The following PSMD12 variants were observed in gnomAD, a reference collection of about 807,000 sequenced individuals.
PSMD12 encodes the protein 26S proteasome non-ATPase regulatory subunit 12.
A neutral mutation model predicts 62.9 loss-of-function variants in PSMD12; 8 were observed. The ratio of observed to expected loss-of-function variants is 0.13; its 90% CI spans 0.07 to 0.23. PSMD12 has a LOEUF of 0.23. Among genes scored for constraint, PSMD12 ranks in the 10% least tolerant of loss-of-function variants. The probability of loss-of-function intolerance (pLI) is 1.00; values close to 1 mark genes in which losing one functional copy is unlikely to be tolerated. For synonymous variants in PSMD12, 173 were observed against 187.4 expected (o/e 0.92, Z 0.63); for missense variants, 424 against 550.2 (o/e 0.77, Z 2.29).
At chr17:67,349,586 AGT>A (rs2041999516) in intron 4 of PSMD12, among the ~76,000 whole-genome samples, 1 of 152,222 alleles carries the variant, frequency 6.6e-6, no homozygotes, top group African/African-American at 2.4e-5. Flanking sequence ...TTATTTGAAA[AGT>A]GTGTTATATG....
In PSMD12 at chr17:67,340,503, T is replaced by G. The variant is rs529982510; in HGVS notation, c.*340A>C. 11 of 174,914 alleles carry G rather than the reference T, an allele frequency of 6.3e-5. 1 individual carries two copies. The East Asian group carries it at 1.4e-3, about 22-fold the overall frequency. The allele number at this position is 174,914 out of a possible 1,614,324, so 10.8% of individuals were successfully genotyped here. Reference sequence around the variant, plus strand: ...ATCAGAGGTAACTGTAGAAAGGAAATATGTATATACTGCTTTTATTATTGG... The same window carrying G: ...ATCAGAGGTAACTGTAGAAAGGAAAGATGTATATACTGCTTTTATTATTGG... On this transcript the variant is annotated 3_prime_UTR_variant, in exon 11 of 11. Coordinates refer to ENST00000356126, the MANE Select transcript of PSMD12 (RefSeq NM_002816.5).
chr17:67,347,279 G>A (rs200659077), intron 6 of PSMD12, 29 bp from the exon 7 acceptor site: 1 of 1,612,028 alleles, frequency 6.2e-7, no homozygotes, highest in East Asian at 2.2e-5. Context: ...AACAAATTGG[G>A]GTTTATGGGT....
chr17:67,353,102 A>T (rs1217731028), intron 3 of PSMD12, among the ~76,000 whole-genome samples: 5 of 152,168 alleles, frequency 3.3e-5, no homozygotes, highest in African/African-American at 1.2e-4. Context: ...GTACATTAAT[A>T]CGCTAACAAT....
intron 3 of PSMD12, among the ~76,000 whole-genome samples, chr17:67,352,278 G>T (rs1226706638): frequency 6.6e-6 from 1 of 151,808 alleles, no homozygotes; most frequent in Non-Finnish European, 1.5e-5. Context: ...AAGTTTTTTT[G>T]TAAAGACAGG....
Position 67,340,738 on chromosome 17 carries a change from T to C in PSMD12, c.*105A>G. ...CTCAAACATATTCACTATTTTAAAA[T>C]TTAAGACAAAGAAGCTTAGAAAAAA... On this transcript the variant is annotated 3_prime_UTR_variant, in exon 11 of 11. Coordinates refer to ENST00000356126, the MANE Select transcript of PSMD12 (RefSeq NM_002816.5). 1.2e-6 allele frequency: 1 copy of C among 867,738 alleles called. No individual in the cohort carries two copies. Among genetic ancestry groups the C allele is most frequent in the South Asian group, 2.2e-5 (1 of 44,754 alleles). The allele number at this position is 867,738 out of a possible 1,614,324, so 53.8% of individuals were successfully genotyped here. A position where few individuals can be genotyped will look rare whatever the true frequency, so the allele number is the denominator to read the frequency against.
intron 1 of PSMD12, among the ~76,000 whole-genome samples, chr17:67,359,314 C>T (rs2143730105): frequency 6.6e-6 from 1 of 152,266 alleles, no homozygotes; most frequent in African/African-American, 2.4e-5. Context: ...AGGAATGTAC[C>T]ACTGCACTCC....
intron 7 of PSMD12, among the ~76,000 whole-genome samples, chr17:67,346,392 CA>C (rs59605959): frequency 1.3e-4 from 11 of 83,416 alleles, no homozygotes; most frequent in East Asian, 2.8e-4. Flanking sequence ...GACTCTGTCT[CA>C]AAAAAAAAAA....
At chr17:67,362,076 C>T (rs1182046531) in intron 1 of PSMD12, among the ~76,000 whole-genome samples, 1 of 151,870 alleles carries the variant, frequency 6.6e-6, no homozygotes, top group Non-Finnish European at 1.5e-5. Flanking sequence ...CAACCTGCAG[C>T]ACAAATGGGT....
At chr17:67,342,879 T>C (rs1373175650) in intron 9 of PSMD12, among the ~76,000 whole-genome samples, 1 of 150,552 alleles carries the variant, frequency 6.6e-6, no homozygotes, top group Non-Finnish European at 1.5e-5. Context: ...AAGGTTACAG[T>C]GTGCTATGAC....
At position 67,340,725 on chromosome 17, in the gene PSMD12, C is replaced by T. The variant is rs373391525; in HGVS notation, c.*118G>A. On this transcript the variant is annotated 3_prime_UTR_variant, in exon 11 of 11. Coordinates refer to ENST00000356126, the MANE Select transcript of PSMD12 (RefSeq NM_002816.5). Reference sequence around the variant, plus strand: ...GGTCAAAGGGAGTCTCAAACATATTCACTATTTTAAAATTTAAGACAAAGA... The same window carrying T: ...GGTCAAAGGGAGTCTCAAACATATTTACTATTTTAAAATTTAAGACAAAGA... 1 of 743,452 alleles carries T rather than the reference C, an allele frequency of 1.3e-6. No individual in the cohort carries two copies. Among genetic ancestry groups the T allele is most frequent in the African/African-American group, 1.9e-5 (1 of 53,172 alleles). The allele number at this position is 743,452 out of a possible 1,614,324, so 46.1% of individuals were successfully genotyped here. A position where few individuals can be genotyped will look rare whatever the true frequency, so the allele number is the denominator to read the frequency against.
intron 3 of PSMD12, among the ~76,000 whole-genome samples, chr17:67,351,415 A>ATAATAATAATAATAG (rs1555640979): frequency 6.7e-6 from 1 of 148,574 alleles, no homozygotes; most frequent in Non-Finnish European, 1.5e-5. Context: ...AATAATAATA[A>ATAATAATAATAATAG]TAATAATAAT....
In PSMD12 at chr17:67,341,041, G is replaced by A; in HGVS notation, c.1173C>T (p.Ala391=). Reference sequence around the variant, plus strand: ...TGTTAACTACTAGATTTGAGAGAAAGGCTTCGGACTCCTGCAAGAGAGAAA... The same window carrying A: ...TGTTAACTACTAGATTTGAGAGAAAAGCTTCGGACTCCTGCAAGAGAGAAA... ...LLDLSVDESE[A]FLSNLVVNKT... Residue 391 remains alanine, a synonymous_variant, in exon 11 of 11, where the codon GCC becomes GCT. Transcript: ENST00000356126. 1.3e-6 allele frequency: 2 copies of A among 1,547,422 alleles called. No individual in the cohort carries two copies. Among genetic ancestry groups the A allele is most frequent in the Non-Finnish European group, 1.7e-6 (2 of 1,154,554 alleles).
At chr17:67,341,461 C>T (rs900156291) in intron 10 of PSMD12, among the ~76,000 whole-genome samples, 1 of 102,536 alleles carries the variant, frequency 9.8e-6, no homozygotes, top group Non-Finnish European at 1.8e-5. Flanking sequence ...CAAGGTGAGA[C>T]TCTGCCTCAA....
At chr17:67,344,460 T>C in intron 9 of PSMD12, 146 bp downstream of exon 9, 3 of 770,704 alleles carry the variant, frequency 3.9e-6, no homozygotes, top group Non-Finnish European at 6.1e-6. Context: ...AGTGAAGAAT[T>C]AAACACATAA....
intron 1 of PSMD12, among the ~76,000 whole-genome samples, chr17:67,359,870 T>C (rs576335036): frequency 1.9e-4 from 29 of 152,290 alleles, no homozygotes; most frequent in Non-Finnish European, 2.9e-4. Flanking sequence ...TTCTCCAAAG[T>C]TGAAGGCTAA....
intron 1 of PSMD12, among the ~76,000 whole-genome samples, chr17:67,361,568 C>T (rs1368818481): frequency 2.0e-5 from 3 of 151,770 alleles, no homozygotes; most frequent in Non-Finnish European, 2.9e-5. Context: ...GGTGAAAGAG[C>T]GAAACTCGGT....
At position 67,340,980 on chromosome 17, in the gene PSMD12, T is replaced by C. The variant is rs1262333254; in HGVS notation, c.1234A>G (p.Ile412Val). 7.0e-6 allele frequency: 11 copies of C among 1,576,296 alleles called. No homozygotes were observed. The highest frequency in any genetic ancestry group is 3.4e-6 in the Non-Finnish European group (4 of 1,168,276). Reference protein sequence around the residue: ...IFAKVDRLAGIINFQRPKDPN... With the variant: ...IFAKVDRLAGVINFQRPKDPN... Reference sequence around the variant, plus strand: ...TCCTTGGGTCTCTGGAAGTTGATAATTCCTGCTAATCTGTCTACTTTAGCA... The same window carrying C: ...TCCTTGGGTCTCTGGAAGTTGATAACTCCTGCTAATCTGTCTACTTTAGCA... Residue 412 changes from isoleucine (I) to valine (V), a missense_variant, in exon 11 of 11, where the codon ATT becomes GTT. Physicochemically the swap from Ile to Val is conservative, Grantham distance 29 (BLOSUM62 3). Transcript: ENST00000356126.
At chr17:67,365,184 CAAAA>C (rs891969142) in intron 1 of PSMD12, among the ~76,000 whole-genome samples, 2 of 54,194 alleles carry the variant, frequency 3.7e-5, no homozygotes, top group Non-Finnish European at 3.7e-5. Context: ...AACTCCGTCT[CAAAA>C]AAAAAAAAAA....
chr17:67,342,746 G>A (rs1372498324), intron 9 of PSMD12, among the ~76,000 whole-genome samples: 13 of 152,030 alleles, frequency 8.6e-5, no homozygotes, highest in African/African-American at 3.1e-4. Context: ...AGACCAGCCT[G>A]GGAACACAGC....
Sources: allele counts gnomAD v4.1 joint callset (sites outside exome capture counted in the v4.1 genomes callset), GRCh38; gene constraint gnomAD v4.1.1; transcripts MANE v1.5; gene names NCBI Gene and HGNC (gene_info 2026-07-23, HGNC 2026-07-21).